CCDC138: variants seen among roughly 807,000 people sequenced by gnomAD.
The protein encoded by CCDC138 is coiled-coil domain containing 138, also known as coiled-coil domain-containing protein 138.
CCDC138 carries 66 observed loss-of-function variants against 82.3 expected under a neutral mutation model. That is an observed-to-expected ratio of 0.80 (90% CI 0.66 to 0.98). CCDC138 has a LOEUF of 0.98. Ranked by LOEUF, CCDC138 falls within the 50% of genes least tolerant of loss-of-function variation. The pLI is 0.00. For missense variants in CCDC138, 816 were observed against 758.9 expected, an observed-to-expected ratio of 1.08 and a Z score of -0.88; for synonymous variants, 297 against 265.4, an observed-to-expected ratio of 1.12 and a Z score of -1.16.
intron 1 of CCDC138, chr2:108,882,252 C>G (rs1165763797): frequency 6.6e-6 from 1 of 151,888 alleles, no homozygotes; most frequent in Non-Finnish European, 1.5e-5. Context: ...TGCAAATTAC[C>G]AAAATGTGAG....
chr2:108,859,874 T>G (rs1693272642), intron 13 of CCDC138, among the ~76,000 whole-genome samples: 1 of 152,166 alleles, frequency 6.6e-6, no homozygotes, highest in African/African-American at 2.4e-5. Context: ...TTGTGTTGAA[T>G]CCATAGATTG....
intron 7 of CCDC138, among the ~76,000 whole-genome samples, chr2:108,810,935 C>G (rs546899096): frequency 6.6e-6 from 1 of 152,180 alleles, no homozygotes; most frequent in East Asian, 1.9e-4. Context: ...AGGAGTTTAT[C>G]CATTTCCTCT....
rs760513241 is a variant in CCDC138 at position 108,788,954 on chromosome 2, T to A, written c.254T>A (p.Val85Glu). The A allele has an allele frequency of 6.2e-7, 1 of 1,614,062 alleles. No individual in the cohort carries two copies. The highest frequency in any genetic ancestry group is 1.1e-5 in the South Asian group (1 of 91,072). The change falls in exon 3 of 15, where the codon GTA becomes GAA. Residue 85 changes from valine (V) to glutamate (E), a missense_variant. Coordinates refer to ENST00000295124, the MANE Select transcript of CCDC138 (RefSeq NM_144978.3). ...RTPLGSLFKHVNVNCLDDELD... is the reference protein window; with the variant it reads ...RTPLGSLFKHENVNCLDDELD... ...CCATTGGGCAGCTTATTCAAGCACG[T>A]AAATGTGAATTGGTAAAGTACCCTG...
intron 7 of CCDC138, among the ~76,000 whole-genome samples, chr2:108,811,531 C>T (rs1683875074): frequency 6.6e-6 from 1 of 152,066 alleles, no homozygotes; most frequent in Non-Finnish European, 1.5e-5. Context: ...GTGTGAGCTA[C>T]TGCACTCAGC....
chr2:108,804,794 A>G, intron 6 of CCDC138, 95 bp from the exon 7 acceptor site: 1 of 1,179,338 alleles, frequency 8.5e-7, no homozygotes. Context: ...TTGTGATTGA[A>G]GGAGTTCTTA....
intron 11 of CCDC138, among the ~76,000 whole-genome samples, chr2:108,846,336 G>A (rs549387089): frequency 1.9e-3 from 282 of 152,148 alleles, no homozygotes; most frequent in Non-Finnish European, 3.1e-3. Context: ...CTTTAAATTA[G>A]CCACAGATTT....
At chr2:108,875,547 G>A (rs1183889779) in intron 14 of CCDC138, among the ~76,000 whole-genome samples, 6 of 152,092 alleles carry the variant, frequency 3.9e-5, no homozygotes, top group Admixed American at 2.0e-4. Context: ...TGAATAGGGT[G>A]CAATTTTCAG....
At chr2:108,877,674 C>G (rs1328612644), downstream of CCDC138, among the ~76,000 whole-genome samples, 1 of 152,102 alleles carries the variant, frequency 6.6e-6, no homozygotes, top group Non-Finnish European at 1.5e-5. Context: ...CATTTGGTGT[C>G]TCTGAAGAAA....
chr2:108,867,035 AGG>A (rs1694526354), intron 13 of CCDC138, among the ~76,000 whole-genome samples: 1 of 152,168 alleles, frequency 6.6e-6, no homozygotes, highest in Admixed American at 6.5e-5. Context: ...GGTTAATTAA[AGG>A]GGAATTATAA....
At chr2:108,809,273 C>T (rs565332815) in intron 7 of CCDC138, among the ~76,000 whole-genome samples, 63 of 152,180 alleles carry the variant, frequency 4.1e-4, no homozygotes, top group Non-Finnish European at 6.8e-4. Context: ...TTGTTGTTTT[C>T]GCACAGGATC....
At chr2:108,879,987 T>G (rs1472827882), downstream of CCDC138, among the ~76,000 whole-genome samples, 2 of 152,142 alleles carry the variant, frequency 1.3e-5, no homozygotes, top group South Asian at 2.1e-4. Context: ...ACTAAAAATG[T>G]TAAGAGAACA....
At chr2:108,807,661 A>C (rs1398616515) in intron 7 of CCDC138, among the ~76,000 whole-genome samples, 4 of 152,160 alleles carry the variant, frequency 2.6e-5, no homozygotes, top group Non-Finnish European at 5.9e-5. Flanking sequence ...TCTGATGCCC[A>C]GGCAGGAGTG....
In CCDC138 at chr2:108,856,831, G is replaced by C. The variant is rs1200779061; in HGVS notation, c.1554G>C (p.Leu518Phe). The C allele has an allele frequency of 6.2e-7, 1 of 1,612,806 alleles. No homozygotes were observed. The highest frequency in any genetic ancestry group is 8.5e-7 in the Non-Finnish European group (1 of 1,179,608). Residue 518 changes from leucine (L) to phenylalanine (F), a missense_variant, in exon 13 of 15, where the codon TTG becomes TTC. Physicochemically the swap from Leu to Phe is conservative, Grantham distance 22. Coordinates refer to ENST00000295124, the MANE Select transcript of CCDC138 (RefSeq NM_144978.3). ...CTCAGGCATTTGATTCTCTTTGTTT[G>C]GACTTGAAGACAGAAGAAGGAAAAA... ...YLAQAFDSLCLDLKTEEGKTL... is the reference protein window; with the variant it reads ...YLAQAFDSLCFDLKTEEGKTL...
intron 6 of CCDC138, among the ~76,000 whole-genome samples, chr2:108,798,851 AC>A (rs1461966793): frequency 1.7e-4 from 25 of 146,176 alleles, no homozygotes; most frequent in African/African-American, 5.1e-4. Flanking sequence ...ACACACACAC[AC>A]ATTTTTTCTG....
At chr2:108,820,703 AAAAAAAAAAAAACAAAC>A (rs1203769556) in intron 10 of CCDC138, among the ~76,000 whole-genome samples, 13 of 52,684 alleles carry the variant, frequency 2.5e-4, no homozygotes, top group African/African-American at 1.2e-3. Flanking sequence ...AAAGTGCAAA[AAAAAAAAAAAAACAAAC>A]AACAAAACTG....
Position 108,802,933 on chromosome 2 carries a change from T to G in CCDC138, c.736-1956T>G, listed in dbSNP as rs537065113. Among the ~76,000 whole-genome samples the G allele has an allele frequency of 1.6e-3, 249 of 152,332 alleles. 1 individual carries two copies. The highest frequency in any genetic ancestry group is 2.5e-3 in the Non-Finnish European group (172 of 68,030). On this transcript the variant is annotated intron_variant, in intron 6 of 14. Transcript: ENST00000295124. ...CTCTGTTTATATGCTGGATTACATT[T>G]ATTGATTTGCGTATATTGAACCAGC...
downstream of CCDC138, among the ~76,000 whole-genome samples, chr2:108,878,749 T>C (rs1427409009): frequency 2.0e-5 from 3 of 152,190 alleles, no homozygotes; most frequent in Admixed American, 6.5e-5. Context: ...AAACTAAGAA[T>C]TGATGGGGCC....
At chr2:108,877,156 G>C (rs17036963), downstream of CCDC138, among the ~76,000 whole-genome samples, 3,033 of 152,180 alleles carry the variant, frequency 0.02, 99 homozygotes, top group African/African-American at 0.07. Context: ...GGTGAGAATG[G>C]TGGAACCATA....
chr2:108,791,554 G>C, intron 3 of CCDC138, 121 bp from the exon 4 acceptor site: 1 of 1,210,928 alleles, frequency 8.3e-7, no homozygotes, highest in Non-Finnish European at 1.2e-6. Flanking sequence ...ACATTTTGCA[G>C]TTTAAAAAAT....
Sources: gnomAD v4.1 joint callset for allele counts (sites outside exome capture counted in the v4.1 genomes callset) on GRCh38, gnomAD v4.1.1 for gene constraint, MANE v1.5 for transcripts, NCBI Gene and HGNC (gene_info 2026-07-23, HGNC 2026-07-21) for gene names.